SH3BGR: variants seen among roughly 807,000 people sequenced by gnomAD.
The protein encoded by SH3BGR is SH3 domain-binding glutamic acid-rich protein.
SH3BGR carries 29 observed loss-of-function variants against 24.5 expected under a neutral mutation model. That is an observed-to-expected ratio of 1.18 (90% CI 0.88 to 1.61). The LOEUF (loss-of-function observed/expected upper bound fraction) is 1.61. Among genes scored for constraint, SH3BGR ranks in the 40% most tolerant of loss-of-function variants. SH3BGR has a pLI of 0.00. For missense variants in SH3BGR, 162 were observed against 205.8 expected (o/e 0.79, Z 1.30); for synonymous variants, 55 against 65.7 (o/e 0.84, Z 0.79).
chr21:39,459,732 CTT>C (rs34494100), intron 1 of SH3BGR, among the ~76,000 whole-genome samples: 3 of 151,808 alleles, frequency 2.0e-5, no homozygotes, highest in Non-Finnish European at 4.4e-5. Flanking sequence ...TCTACAAAAA[CTT>C]TTTGTAGAGG....
In SH3BGR at chr21:39,446,290, T is replaced by C. The variant is rs78280614; in HGVS notation, c.-100+209T>C. Among the ~76,000 whole-genome samples the C allele has an allele frequency of 7.5e-4, 114 of 152,210 alleles. 1 individual carries two copies. The highest frequency in any genetic ancestry group is 2.6e-3 in the African/African-American group (108 of 41,536). On this transcript the variant is annotated intron_variant, in intron 1 of 6. Coordinates refer to the SH3BGR transcript ENST00000380631. Reference sequence around the variant, plus strand: ...CAAAATCACCTAGATGATGGAGTTATAGATGTTTTTTAATGACAGCATAGG... The same window carrying C: ...CAAAATCACCTAGATGATGGAGTTACAGATGTTTTTTAATGACAGCATAGG...
rs550930758 is a variant in SH3BGR at position 39,511,130 on chromosome 21, T to C, written c.436-550T>C. On this transcript the variant is annotated intron_variant, in intron 5 of 6. Transcript: ENST00000333634. This position sits in a 1 kb window ranked among gnomAD's most constrained non-coding sequence, Gnocchi z 4.2. ...TATGTGTGTGTATGTATGTGTGGTA[T>C]GTGTGGTGTGTTGTATGTGTGGTGT... Among the ~76,000 whole-genome samples the C allele has an allele frequency of 4.6e-5, 7 of 151,502 alleles. No homozygotes were observed. In the South Asian group the frequency reaches 1.5e-3, roughly 32 times the overall value.
intron 3 of SH3BGR, among the ~76,000 whole-genome samples, chr21:39,481,513 G>A (rs2078130390): frequency 6.6e-6 from 1 of 152,160 alleles, no homozygotes; most frequent in South Asian, 2.1e-4. Context: ...CCTAGAATTT[G>A]ATTTCAACAT....
At chr21:39,474,541 G>T (rs2077995078) in intron 2 of SH3BGR, among the ~76,000 whole-genome samples, 1 of 152,208 alleles carries the variant, frequency 6.6e-6, no homozygotes, top group Non-Finnish European at 1.5e-5. Flanking sequence ...GCCTGGTGAA[G>T]GACTGGCCCT....
intron 1 of SH3BGR, among the ~76,000 whole-genome samples, chr21:39,453,336 T>G (rs1454077865): frequency 6.6e-6 from 1 of 152,214 alleles, no homozygotes; most frequent in Admixed American, 6.5e-5. Flanking sequence ...CGAAATCTTT[T>G]GTGGCTATTG....
At chr21:39,509,123 A>G (rs1444247021) in intron 5 of SH3BGR, 96 bp downstream of exon 5, 4 of 960,408 alleles carry the variant, frequency 4.2e-6, no homozygotes, top group Non-Finnish European at 6.5e-6. Context: ...TCTTAATAAC[A>G]TAAGAGAGCG....
chr21:39,503,201 C>T (rs2078525712), intron 4 of SH3BGR, among the ~76,000 whole-genome samples: 1 of 152,256 alleles, frequency 6.6e-6, no homozygotes. Context: ...CCTTCAGCCA[C>T]ACTTATTATG....
chr21:39,491,012 A>G lies in SH3BGR; in HGVS notation c.313-8811A>G, dbSNP rs59759460. On this transcript the variant is annotated intron_variant, in intron 3 of 6. Transcript: ENST00000333634. ...CTCCCAGAGTGCTGGGATTACAGGC[A>G]TGAGCCACTGCACCCGGCTGGTCTT... Among the ~76,000 whole-genome samples, 329 of 152,254 alleles carry G rather than the reference A, an allele frequency of 2.2e-3. 1 individual carries two copies. Among genetic ancestry groups the G allele is most frequent in the African/African-American group, 7.7e-3 (322 of 41,558 alleles).
chr21:39,459,352 G>A (rs910247533), intron 1 of SH3BGR, among the ~76,000 whole-genome samples: 2 of 151,848 alleles, frequency 1.3e-5, no homozygotes, highest in African/African-American at 4.8e-5. Flanking sequence ...AGCCTCCCAA[G>A]TAGCTTGCAC....
chr21:39,472,470 C>T (rs1380699188), intron 2 of SH3BGR, among the ~76,000 whole-genome samples: 5 of 152,092 alleles, frequency 3.3e-5, no homozygotes, highest in South Asian at 4.1e-4. Flanking sequence ...AGCTTTTTGG[C>T]GGAGACATTC....
chr21:39,478,944 ATCT>A (rs1206189052), intron 3 of SH3BGR, among the ~76,000 whole-genome samples: 1 of 152,092 alleles, frequency 6.6e-6, no homozygotes, highest in Non-Finnish European at 1.5e-5. Context: ...TTTCTTTTAC[ATCT>A]TCTTCAACTC....
chr21:39,511,600 C>G lies in SH3BGR; in HGVS notation c.436-80C>G. The G allele has an allele frequency of 6.9e-7, 1 of 1,454,886 alleles. No individual in the cohort carries two copies. Among genetic ancestry groups the G allele is most frequent in the Non-Finnish European group, 9.4e-7 (1 of 1,066,006 alleles). The allele number at this position is 1,454,886 out of a possible 1,614,324, so 90.1% of individuals were successfully genotyped here. A position where few individuals can be genotyped will look rare whatever the true frequency, so the allele number is the denominator to read the frequency against. Reference sequence around the variant, plus strand: ...GGTGTGGGAGGCTTTGACCTCTAGTCCAGCATTTTACAGTCTTTTTCTCAC... The same window carrying G: ...GGTGTGGGAGGCTTTGACCTCTAGTGCAGCATTTTACAGTCTTTTTCTCAC... On this transcript the variant is annotated intron_variant, in intron 5 of 6. Coordinates refer to ENST00000333634, the MANE Select transcript of SH3BGR (RefSeq NM_007341.3). The surrounding 1 kb of genome is among the most constrained non-coding windows in gnomAD (Gnocchi z 4.2).
At chr21:39,465,888 G>T (rs1359846098) in intron 2 of SH3BGR, among the ~76,000 whole-genome samples, 1 of 152,110 alleles carries the variant, frequency 6.6e-6, no homozygotes, top group Non-Finnish European at 1.5e-5. Context: ...GCTGTGCCTG[G>T]CTGCCCCATA....
chr21:39,476,967 A>C (rs2078037835), intron 3 of SH3BGR, among the ~76,000 whole-genome samples: 1 of 152,134 alleles, frequency 6.6e-6, no homozygotes. Context: ...GTAGAAAAAT[A>C]TATTTTCTGT....
At chr21:39,513,161 A>G (rs925589356) in intron 6 of SH3BGR, among the ~76,000 whole-genome samples, 2 of 152,214 alleles carry the variant, frequency 1.3e-5, no homozygotes, top group Admixed American at 6.5e-5. Context: ...TAAGAATTAC[A>G]TAATTATTTT....
rs1293079754 is a variant in SH3BGR at position 39,496,489 on chromosome 21, A to AG, written c.313-3333dup. Among the ~76,000 whole-genome samples, 3 of 145,058 alleles carry AG rather than the reference A, an allele frequency of 2.1e-5. No individual in the cohort carries two copies. In the Admixed American group the frequency reaches 2.1e-4, roughly 10 times the overall value. The stretch of plus-strand genomic sequence containing the variant: ...CAGTCCGCAGTCCGGCCTGGGCGAC[A>AG]GAGCGAGACTCCGTCTCAAAAAAAA... On this transcript the variant is annotated intron_variant, in intron 3 of 6. Transcript: ENST00000333634.
chr21:39,455,641 C>T (rs1327133234), intron 1 of SH3BGR, among the ~76,000 whole-genome samples: 1 of 152,202 alleles, frequency 6.6e-6, no homozygotes, highest in Admixed American at 6.5e-5. Context: ...AGGAGAGGGG[C>T]CCCATGCTAG....
rs562967688 is a variant in SH3BGR, at chr21:39,493,306, A to T, written c.313-6517A>T. 2.0e-3 allele frequency among the ~76,000 whole-genome samples: 308 copies of T among 152,316 alleles called. 3 individuals are homozygous for T. Among genetic ancestry groups the T allele is most frequent in the African/African-American group, 6.9e-3 (287 of 41,580 alleles). ...AGTTGATATTTGTATAAGGTGAGAG[A>T]TGAGGATCCAGTCATTCTCCTACAT... On this transcript the variant is annotated intron_variant, in intron 3 of 6. Transcript: ENST00000333634.
At chr21:39,485,783 G>A (rs747986146) in intron 3 of SH3BGR, among the ~76,000 whole-genome samples, 1 of 151,322 alleles carries the variant, frequency 6.6e-6, no homozygotes, top group Non-Finnish European at 1.5e-5. Flanking sequence ...CACCTCCAGG[G>A]TTCACGCCAT....
Sources: gnomAD v4.1 joint callset for allele counts (sites outside exome capture counted in the v4.1 genomes callset) on GRCh38, gnomAD v4.1.1 for gene constraint, Gnocchi (gnomAD v3.1) non-coding constraint, MANE v1.5 for transcripts, NCBI Gene and HGNC (gene_info 2026-07-23, HGNC 2026-07-21) for gene names.